Variants in KCNK2 observed in about 807,000 individuals in gnomAD.
KCNK2 encodes the protein potassium channel subfamily K member 2.
In KCNK2, 21 loss-of-function variants were observed where a neutral mutation model predicts 40.5. The ratio of observed to expected loss-of-function variants is 0.52; its 90% confidence interval spans 0.37 to 0.75. KCNK2 has a LOEUF of 0.75. Among genes scored for constraint, KCNK2 ranks in the 30% least tolerant of loss-of-function variants. The pLI is 0.00. For synonymous variants in KCNK2, 191 were observed against 202.2 expected (o/e 0.94, Z 0.47); for missense variants, 399 against 531.6 (o/e 0.75, Z 2.45).
Position 215,083,199 on chromosome 1 carries a change from CCCCCGCCCCCT to C in KCNK2, c.-183_-173del. On this transcript the variant is annotated 5_prime_UTR_variant, in exon 1 of 7. Transcript: ENST00000444842. Reference sequence around the variant, plus strand: ...GATTTCGTTTCTTCTCACGCTCCCCCCCCCGCCCCCTCCCGCGTCCAGCCCCGCTCTCCCCA... The same window carrying C: ...GATTTCGTTTCTTCTCACGCTCCCCCCCCGCGTCCAGCCCCGCTCTCCCCA... The C allele has an allele frequency of 7.3e-6, 5 of 685,028 alleles. No homozygotes were observed. Among genetic ancestry groups the C allele is most frequent in the Non-Finnish European group, 1.2e-5 (5 of 418,352 alleles). The allele number at this position is 685,028 out of a possible 1,614,324, so 42.4% of individuals were successfully genotyped here.
intron 1 of KCNK2, among the ~76,000 whole-genome samples, chr1:215,052,220 G>C (rs145778147): frequency 7.4e-4 from 112 of 152,260 alleles, no homozygotes; most frequent in African/African-American, 2.3e-3. Flanking sequence ...AATCATGGAT[G>C]GGGGCAGGTT....
chr1:215,226,656 G>A (rs1388919569), intron 6 of KCNK2, among the ~76,000 whole-genome samples: 2 of 152,034 alleles, frequency 1.3e-5, no homozygotes, highest in African/African-American at 2.4e-5. Context: ...ATTGCATTCC[G>A]TAAAGATGAT....
intron 5 of KCNK2, among the ~76,000 whole-genome samples, chr1:215,185,759 A>G (rs1417281666): frequency 6.6e-6 from 1 of 152,166 alleles, no homozygotes; most frequent in Non-Finnish European, 1.5e-5. Flanking sequence ...TAAATCTCAT[A>G]AGGAAACAAA....
intron 5 of KCNK2, among the ~76,000 whole-genome samples, chr1:215,176,095 A>G (rs1268630620): frequency 1.3e-5 from 2 of 152,242 alleles, no homozygotes; most frequent in South Asian, 4.1e-4. Flanking sequence ...AGGCTGAACT[A>G]ATTTTCATTC....
At chr1:215,129,992 T>C (rs1197263815) in intron 3 of KCNK2, among the ~76,000 whole-genome samples, 2 of 152,216 alleles carry the variant, frequency 1.3e-5, no homozygotes, top group African/African-American at 4.8e-5. Context: ...TCTTCTGTTA[T>C]TCAAAACAAG....
intron 1 of KCNK2, among the ~76,000 whole-genome samples, chr1:215,075,562 T>C (rs1658897970): frequency 6.6e-6 from 1 of 152,218 alleles, no homozygotes; most frequent in Non-Finnish European, 1.5e-5. Context: ...TGCTACATAG[T>C]AGGTGCTTGA....
chr1:215,088,287 C>A (rs544515847), intron 2 of KCNK2, among the ~76,000 whole-genome samples: 2 of 152,094 alleles, frequency 1.3e-5, no homozygotes, highest in South Asian at 2.1e-4. Flanking sequence ...AGGCAGGATG[C>A]GTTTTGAACT....
chr1:215,033,195 GTTTCT>G (rs1370800738), intron 1 of KCNK2, among the ~76,000 whole-genome samples: 2 of 84,738 alleles, frequency 2.4e-5, no homozygotes, highest in African/African-American at 7.6e-5. Context: ...ATCTCTAGCA[GTTTCT>G]TTTCTTTTTT....
chr1:215,177,047 G>C (rs929443660), intron 5 of KCNK2, among the ~76,000 whole-genome samples: 2 of 152,098 alleles, frequency 1.3e-5, no homozygotes, highest in African/African-American at 4.8e-5. Context: ...GGCATGGAAT[G>C]GTAGCTCATT....
intron 2 of KCNK2, among the ~76,000 whole-genome samples, chr1:215,116,016 G>T (rs1287353246): frequency 6.7e-6 from 1 of 148,152 alleles, no homozygotes; most frequent in Admixed American, 6.8e-5. Context: ...AAAGGAAAAA[G>T]AATTTCAGTG....
chr1:215,042,881 A>C (rs1352985738), intron 1 of KCNK2, among the ~76,000 whole-genome samples: 1 of 152,184 alleles, frequency 6.6e-6, no homozygotes, highest in Non-Finnish European at 1.5e-5. Flanking sequence ...AATGGCTCCT[A>C]CTTACAAGGA....
At chr1:215,108,834 G>A (rs983133716) in intron 2 of KCNK2, among the ~76,000 whole-genome samples, 1 of 151,652 alleles carries the variant, frequency 6.6e-6, no homozygotes, top group Non-Finnish European at 1.5e-5. Context: ...GGATGTGTGT[G>A]TGTGAGGGGT....
intron 1 of KCNK2, 25 bp downstream of exon 1, chr1:215,083,456 C>T (rs1659275522): frequency 1.9e-6 from 3 of 1,554,350 alleles, no homozygotes; most frequent in Admixed American, 1.7e-5. Flanking sequence ...CCGGTACCCC[C>T]ACCCCTCTGG....
intron 3 of KCNK2, among the ~76,000 whole-genome samples, chr1:215,132,123 C>T (rs963322568): frequency 1.3e-5 from 2 of 152,158 alleles, no homozygotes; most frequent in African/African-American, 2.4e-5. Context: ...TACTGAACAC[C>T]GCAAAGCCTA....
chr1:215,214,448 A>C, intron 6 of KCNK2, among the ~76,000 whole-genome samples: 1 of 152,182 alleles, frequency 6.6e-6, no homozygotes, highest in East Asian at 1.9e-4. Context: ...GTGGGGATAC[A>C]TACCCAAACC....
intron 1 of KCNK2, among the ~76,000 whole-genome samples, chr1:215,051,299 T>C (rs988918768): frequency 6.6e-6 from 1 of 152,124 alleles, no homozygotes; most frequent in Non-Finnish European, 1.5e-5. Context: ...GAAGCTAAAA[T>C]TGATAAAGAT....
intron 5 of KCNK2, among the ~76,000 whole-genome samples, chr1:215,191,528 TCTGA>T (rs1252863671): frequency 2.0e-5 from 3 of 152,074 alleles, no homozygotes. Flanking sequence ...TGGATTAGGC[TCTGA>T]CTGAGTTCCT....
intron 6 of KCNK2, among the ~76,000 whole-genome samples, chr1:215,207,983 A>G (rs1665388476): frequency 6.6e-6 from 1 of 152,198 alleles, no homozygotes; most frequent in South Asian, 2.1e-4. Flanking sequence ...AAGAGCTAAA[A>G]GCAGAAATAA....
intron 6 of KCNK2, among the ~76,000 whole-genome samples, chr1:215,230,520 TATATATATATATGTATATATATAC>T (rs1666602134): frequency 1.4e-5 from 1 of 71,418 alleles, no homozygotes; most frequent in African/African-American, 6.7e-5. Flanking sequence ...TATATATATA[TATATATATATATGTATATATATAC>T]ACACACATAA....
Sources: gnomAD v4.1 joint callset for allele counts (sites outside exome capture counted in the v4.1 genomes callset) on GRCh38, gnomAD v4.1.1 for gene constraint, MANE v1.5 for transcripts, NCBI Gene and HGNC (gene_info 2026-07-23, HGNC 2026-07-21) for gene names.